EYS: variants seen among roughly 807,000 people sequenced by gnomAD.
The protein encoded by EYS is EGF-like photoreceptor maintenance factor.
A neutral mutation model predicts 282.1 loss-of-function variants in EYS; 250 were observed. The observed-to-expected ratio is 0.89, with a 90% CI of 0.80 to 0.98. The LOEUF (loss-of-function observed/expected upper bound fraction) is 0.98. EYS is among the 50% of genes least tolerant of loss of function. The pLI, the probability that EYS is intolerant of heterozygous loss-of-function variation, is 0.00. For synonymous variants in EYS, 1,355 were observed against 1,282.9 expected, an observed-to-expected ratio of 1.06 and a Z score of -1.20; for missense variants, 4,016 against 3,709.0, an observed-to-expected ratio of 1.08 and a Z score of -2.15.
chr6:64,912,063 G>A (rs1583286939), intron 16 of EYS, among the ~76,000 whole-genome samples: 1 of 152,224 alleles, frequency 6.6e-6, no homozygotes, highest in East Asian at 1.9e-4. Flanking sequence ...TAAGTAGAAA[G>A]AAGTAATATT....
intron 15 of EYS, among the ~76,000 whole-genome samples, chr6:64,935,801 T>G (rs2150089815): frequency 6.6e-6 from 1 of 151,784 alleles, no homozygotes; most frequent in Non-Finnish European, 1.5e-5. Context: ...GCAAAGAGAT[T>G]TAGTAATAAA....
At chr6:63,778,248 T>C (rs942148455) in intron 39 of EYS, 68 bp from the exon 40 acceptor site, 2 of 1,450,142 alleles carry the variant, frequency 1.4e-6, no homozygotes, top group Non-Finnish European at 9.4e-7. Context: ...AAGAAGGTTA[T>C]TTTTCATTTT....
At chr6:64,728,977 G>T (rs947788058) in intron 22 of EYS, 21 of 152,316 alleles carry the variant, frequency 1.4e-4, no homozygotes, top group African/African-American at 4.1e-4. Flanking sequence ...CTGAAGCCAC[G>T]TTGTCAAGTT....
chr6:64,296,160 G>A (rs1397770281), intron 30 of EYS, among the ~76,000 whole-genome samples: 2 of 151,884 alleles, frequency 1.3e-5, no homozygotes, highest in Non-Finnish European at 2.9e-5. Context: ...ATCAAAGAGG[G>A]GTACTCTAAA....
At position 63,853,907 on chromosome 6, in the gene EYS, GT is replaced by G. The variant is rs542497956; in HGVS notation, c.7228+10278del. 9.3e-3 allele frequency among the ~76,000 whole-genome samples: 1,417 copies of G among 152,282 alleles called. 5 individuals carry two copies. Among genetic ancestry groups the G allele is most frequent in the Non-Finnish European group, 0.015 (1,006 of 68,010 alleles). On this transcript the variant is annotated intron_variant, in intron 36 of 42. Coordinates refer to ENST00000503581, the MANE Select transcript of EYS (RefSeq NM_001142800.2). The stretch of plus-strand genomic sequence containing the variant: ...GAAAGGATTCCTTATTTAGTAAATG[GT>G]GCTGGGAAAACTGGCTAGTCATATG...
chr6:63,830,307 A>G (rs573336860), intron 36 of EYS, among the ~76,000 whole-genome samples: 9 of 152,242 alleles, frequency 5.9e-5, no homozygotes, highest in Admixed American at 1.3e-4. Context: ...ATCGCAAAAA[A>G]GTTAAAAACC....
intron 12 of EYS, among the ~76,000 whole-genome samples, chr6:65,143,257 GA>G (rs1351180342): frequency 7.2e-6 from 1 of 138,962 alleles, no homozygotes; most frequent in Non-Finnish European, 1.6e-5. Context: ...TATACAGACT[GA>G]AAGATTTTTT....
chr6:64,556,377 C>T (rs1348602573), intron 26 of EYS, among the ~76,000 whole-genome samples: 1 of 151,936 alleles, frequency 6.6e-6, no homozygotes, highest in Admixed American at 6.6e-5. Context: ...AAGCTAGACA[C>T]AGAGGGTCTG....
At chr6:65,594,400 A>G (rs189177945) in intron 2 of EYS, among the ~76,000 whole-genome samples, 1 of 152,162 alleles carries the variant, frequency 6.6e-6, no homozygotes, top group African/African-American at 2.4e-5. Flanking sequence ...TAGTTTTCTC[A>G]AACAGTAGTA....
chr6:64,388,958 A>G, intron 28 of EYS, 118 bp from the exon 29 acceptor site: 2 of 677,680 alleles, frequency 3.0e-6, no homozygotes, highest in East Asian at 6.6e-5. Context: ...TCACAATAAA[A>G]CAAAGCCAGA....
At chr6:64,176,213 A>G (rs1347536678) in intron 31 of EYS, among the ~76,000 whole-genome samples, 1 of 152,022 alleles carries the variant, frequency 6.6e-6, no homozygotes, top group Non-Finnish European at 1.5e-5. Context: ...GGCTTAGAGG[A>G]CTGTGCAAAT....
chr6:64,982,427 T>G (rs1007665378), intron 14 of EYS, among the ~76,000 whole-genome samples: 1 of 151,382 alleles, frequency 6.6e-6, no homozygotes, highest in African/African-American at 2.4e-5. Flanking sequence ...TATTCTACAT[T>G]TTATGTGTAT....
chr6:64,492,092 T>C lies in EYS; in HGVS notation c.5645-52740A>G, dbSNP rs1276103506. ...AAGAAATTTGAAGTAATTTTTGTAT[T>C]ACTTATTGTACTATGCATATAACCT... is the stretch of plus-strand genomic sequence containing the variant. On this transcript the variant is annotated intron_variant, in intron 26 of 42. Transcript: ENST00000503581. 2.0e-5 allele frequency among the ~76,000 whole-genome samples: 3 copies of C among 151,218 alleles called. No homozygotes were observed. In the East Asian group the frequency reaches 5.8e-4, roughly 29 times the overall value.
At chr6:63,988,117 A>G (rs1333467086) in intron 34 of EYS, among the ~76,000 whole-genome samples, 2 of 151,668 alleles carry the variant, frequency 1.3e-5, no homozygotes, top group East Asian at 1.9e-4. Context: ...GCTGTCACAT[A>G]GCATAGGTGT....
At chr6:64,729,066 T>C (rs1771865865) in intron 22 of EYS, 1 of 152,610 alleles carries the variant, frequency 6.6e-6, no homozygotes, top group African/African-American at 2.4e-5. Flanking sequence ...AGCCTGGGGT[T>C]TTTATGGGCA....
At chr6:63,780,627 T>A (rs145823878) in intron 39 of EYS, among the ~76,000 whole-genome samples, 1,835 of 152,208 alleles carry the variant, frequency 0.012, 31 homozygotes, top group African/African-American at 0.042. Context: ...TGTTTAAGTT[T>A]TTTGTAGATT....
At chr6:64,247,955 A>G (rs1767069927) in intron 30 of EYS, among the ~76,000 whole-genome samples, 2 of 152,166 alleles carry the variant, frequency 1.3e-5, no homozygotes, top group African/African-American at 4.8e-5. Context: ...GTTTGAGGTT[A>G]AGAAGATATT....
chr6:64,307,329 T>A (rs1272477414), intron 29 of EYS, among the ~76,000 whole-genome samples: 1 of 152,084 alleles, frequency 6.6e-6, no homozygotes, highest in Admixed American at 6.6e-5. Flanking sequence ...ATAAAGAAAT[T>A]ATGTTTGTGT....
chr6:65,640,992 T>C (rs1008934412), intron 1 of EYS, among the ~76,000 whole-genome samples: 1 of 152,206 alleles, frequency 6.6e-6, no homozygotes, highest in Non-Finnish European at 1.5e-5. Context: ...CACTCTGTCC[T>C]GTATATACTT....
Sources: allele counts gnomAD v4.1 joint callset (sites outside exome capture counted in the v4.1 genomes callset), GRCh38; gene constraint gnomAD v4.1.1; transcripts MANE v1.5; gene names NCBI Gene and HGNC (gene_info 2026-07-23, HGNC 2026-07-21).